The following MMEL1 variants were observed in gnomAD, a reference collection of about 807,000 sequenced individuals.
MMEL1 encodes the protein membrane metalloendopeptidase like 1.
In MMEL1, 98 loss-of-function variants were observed where a neutral mutation model predicts 117.1. The observed-to-expected ratio is 0.84, with a 90% CI of 0.71 to 0.99. The LOEUF (loss-of-function observed/expected upper bound fraction) is 0.99, where lower values mean the gene tolerates loss of function less well. Ranked by LOEUF, MMEL1 falls within the 50% of genes least tolerant of loss-of-function variation. MMEL1 has a pLI of 0.00. For synonymous variants in MMEL1, 390 were observed against 415.1 expected (o/e 0.94, Z 0.74); for missense variants, 1,014 against 1,049.1 (o/e 0.97, Z 0.46).
rs1371903879 is a variant in MMEL1 at position 2,629,538 on chromosome 1, G to A, written c.-37-17C>T. 2.9e-6 allele frequency: 4 copies of A among 1,395,374 alleles called. No individual in the cohort carries two copies. The Admixed American group carries it at 9.1e-5, about 32-fold the overall frequency. The allele number at this position is 1,395,374 out of a possible 1,614,324, so 86.4% of individuals were successfully genotyped here. ...CGGAGGAACCTGCAGGCCCAGGGCAGGGGAGAGGGGAGAGGGGCGTGGAGC... is the reference window on the plus strand; with the variant it reads ...CGGAGGAACCTGCAGGCCCAGGGCAAGGGAGAGGGGAGAGGGGCGTGGAGC... On this transcript the variant is annotated splice_polypyrimidine_tract_variant and intron_variant, in intron 1 of 23. Coordinates refer to ENST00000378412, the MANE Select transcript of MMEL1 (RefSeq NM_033467.4).
At chr1:2,593,042 T>C (rs1462917547) in intron 19 of MMEL1, 76 bp from the exon 20 acceptor site, 1 of 1,557,548 alleles carries the variant, frequency 6.4e-7, no homozygotes, top group Non-Finnish European at 8.7e-7. Flanking sequence ...CCACTGTGCC[T>C]GGCCGCTCCT....
intron 2 of MMEL1, among the ~76,000 whole-genome samples, chr1:2,624,949 G>A (rs1447285826): frequency 1.3e-5 from 2 of 152,186 alleles, no homozygotes; most frequent in African/African-American, 4.8e-5. Flanking sequence ...AGCGCGAAGG[G>A]GGAGGAGCTG....
At position 2,604,154 on chromosome 1, in the gene MMEL1, A is replaced by C. The variant is rs559017353; in HGVS notation, c.944T>G (p.Leu315Arg). 2.9e-5 allele frequency: 32 copies of C among 1,104,844 alleles called. No individual in the cohort carries two copies. In the East Asian group the frequency reaches 6.8e-4, roughly 24 times the overall value. The allele number at this position is 1,104,844 out of a possible 1,614,324, so 68.4% of individuals were successfully genotyped here. The change falls in exon 10 of 24, where the codon CTG becomes CGG. Residue 315 changes from leucine (L) to arginine (R), a missense_variant. Leu to Arg is a moderately radical substitution (Grantham distance 102). Coordinates refer to ENST00000378412, the MANE Select transcript of MMEL1 (RefSeq NM_033467.4). ...CCGCCCCGGCCCCCTTACCTTGGCCAGCTGTGTCTCCAGCTCCAGCACCTG... is the reference window on the plus strand; with the variant it reads ...CCGCCCCGGCCCCCTTACCTTGGCCCGCTGTGTCTCCAGCTCCAGCACCTG... ...MVQVLELETQLAKATVPQEER... is the reference protein window; with the variant it reads ...MVQVLELETQRAKATVPQEER...
At chr1:2,594,759 C>T in intron 17 of MMEL1, 31 bp downstream of exon 17, 1 of 1,579,576 alleles carries the variant, frequency 6.3e-7, no homozygotes, top group Non-Finnish European at 8.7e-7. Context: ...CTGGCCCCCC[C>T]CGCCCATGCC....
At chr1:2,598,509 C>A in intron 12 of MMEL1, 145 bp downstream of exon 12, 1 of 1,350,786 alleles carries the variant, frequency 7.4e-7, no homozygotes, top group Middle Eastern at 2.3e-4. Context: ...CTCCACTGGC[C>A]ACTAAAGCTT....
intron 19 of MMEL1, among the ~76,000 whole-genome samples, chr1:2,593,552 G>A (rs930873213): frequency 2.0e-5 from 3 of 152,226 alleles, no homozygotes; most frequent in African/African-American, 7.2e-5. Flanking sequence ...GGCCGTGGGA[G>A]GGAAGTGCCC....
intron 11 of MMEL1, among the ~76,000 whole-genome samples, chr1:2,602,546 C>T (rs962092483): frequency 2.0e-5 from 3 of 152,312 alleles, no homozygotes; most frequent in African/African-American, 7.2e-5. Flanking sequence ...ATCTCTTGCC[C>T]GGGCTACGTG....
chr1:2,601,484 C>T (rs556100577), intron 11 of MMEL1, among the ~76,000 whole-genome samples: 2 of 152,204 alleles, frequency 1.3e-5, no homozygotes, highest in South Asian at 2.1e-4. Flanking sequence ...CCTAAGCAAA[C>T]CTGAGGGTAG....
At chr1:2,617,578 C>T (rs373764845) in intron 2 of MMEL1, among the ~76,000 whole-genome samples, 104 of 152,148 alleles carry the variant, frequency 6.8e-4, no homozygotes, top group African/African-American at 2.2e-3. Flanking sequence ...CCAGCCTGGG[C>T]GACAGAGCGA....
intron 2 of MMEL1, among the ~76,000 whole-genome samples, chr1:2,627,694 A>G (rs1482175779): frequency 1.3e-5 from 2 of 152,288 alleles, no homozygotes; most frequent in African/African-American, 2.4e-5. Context: ...TAAATGACTT[A>G]TAAGTCAATG....
chr1:2,611,735 C>T (rs1328954063), intron 3 of MMEL1, among the ~76,000 whole-genome samples: 4 of 152,200 alleles, frequency 2.6e-5, no homozygotes, highest in Non-Finnish European at 4.4e-5. Flanking sequence ...CTGCCCCAGG[C>T]CCCAAGGGCT....
At chr1:2,597,470 C>T (rs1032139384) in intron 13 of MMEL1, among the ~76,000 whole-genome samples, 3 of 152,102 alleles carry the variant, frequency 2.0e-5, no homozygotes, top group Non-Finnish European at 4.4e-5. Context: ...CCCTTAGCCC[C>T]TATACCCAAT....
At chr1:2,632,270 C>T (rs1460626839) in intron 1 of MMEL1, among the ~76,000 whole-genome samples, 1 of 152,224 alleles carries the variant, frequency 6.6e-6, no homozygotes, top group Non-Finnish European at 1.5e-5. Context: ...TCTGCAGCCC[C>T]CTGGGAACGT....
chr1:2,621,181 A>G (rs1053363450), intron 2 of MMEL1, among the ~76,000 whole-genome samples: 1 of 152,168 alleles, frequency 6.6e-6, no homozygotes, highest in African/African-American at 2.4e-5. Context: ...GCTACTTGGG[A>G]GGCTGAGGTG....
At chr1:2,629,881 G>T (rs1348421366) in intron 1 of MMEL1, 1 of 175,124 alleles carries the variant, frequency 5.7e-6, no homozygotes, top group Admixed American at 6.2e-5. Flanking sequence ...CGCTAGGTCA[G>T]GGACGCTGTC....
rs114540215 is a variant in MMEL1 at position 2,604,193 on chromosome 1, T to C, written c.905A>G (p.Gln302Arg). 8.2e-4 allele frequency: 1,272 copies of C among 1,557,622 alleles called. 7 individuals carry two copies. In the African/African-American group the frequency reaches 0.015, roughly 19 times the overall value. ...ANLPRDSCLVQEDMVQVLELE... is the reference protein window; with the variant it reads ...ANLPRDSCLVREDMVQVLELE... ...CTCCAGCACCTGCACCATGTCCTCC[T>C]GCACCAGGCAGCTGTCCCTGGGCAG... Residue 302 changes from glutamine (Q) to arginine (R), a missense_variant, in exon 10 of 24, where the codon CAG (glutamine) becomes CGG (arginine). Coordinates refer to ENST00000378412, the MANE Select transcript of MMEL1 (RefSeq NM_033467.4).
intron 1 of MMEL1, 182 bp from the exon 2 acceptor site, chr1:2,629,703 C>G: frequency 1.9e-6 from 1 of 534,230 alleles, no homozygotes; most frequent in South Asian, 2.9e-5. Context: ...CACACTACCC[C>G]TGGGCCGGAA....
At chr1:2,613,691 G>A (rs747511032) in intron 2 of MMEL1, among the ~76,000 whole-genome samples, 3 of 151,832 alleles carry the variant, frequency 2.0e-5, no homozygotes, top group South Asian at 2.1e-4. Flanking sequence ...GGGCACATGC[G>A]CCTGGCAAGG....
At chr1:2,608,358 G>A (rs1645063520) in intron 6 of MMEL1, among the ~76,000 whole-genome samples, 2 of 152,190 alleles carry the variant, frequency 1.3e-5, no homozygotes, top group South Asian at 2.1e-4. Context: ...GTGCTGGGCC[G>A]GGGGTGCTCC....
Sources: gnomAD v4.1 joint callset for allele counts (sites outside exome capture counted in the v4.1 genomes callset) on GRCh38, gnomAD v4.1.1 for gene constraint, MANE v1.5 for transcripts, NCBI Gene and HGNC (gene_info 2026-07-23, HGNC 2026-07-21) for gene names.